Variants in FRY observed in about 807,000 individuals in gnomAD.
The protein encoded by FRY is protein furry homolog.
FRY carries 128 observed loss-of-function variants against 348.4 expected under a neutral mutation model. The observed-to-expected ratio is 0.37, with a 90% CI of 0.32 to 0.43. The LOEUF (loss-of-function observed/expected upper bound fraction) is 0.43. Among genes scored for constraint, FRY ranks in the 20% least tolerant of loss-of-function variants. The probability of loss-of-function intolerance (pLI) is 1.00; values close to 1 mark genes in which losing one functional copy is unlikely to be tolerated. For missense variants in FRY, 2,736 were observed against 3,695.2 expected, an observed-to-expected ratio of 0.74 and a Z score of 6.73; for synonymous variants, 1,370 against 1,374.7, an observed-to-expected ratio of 1.00 and a Z score of 0.08.
intron 1 of FRY, among the ~76,000 whole-genome samples, chr13:32,047,139 C>A (rs973010020): frequency 2.6e-5 from 4 of 152,160 alleles, no homozygotes; most frequent in African/African-American, 4.8e-5. Context: ...AGAGCCATAA[C>A]AATTAAAGGA....
In FRY at chr13:32,208,983, C is replaced by G. The variant is rs1185804092; in HGVS notation, c.4149C>G (p.Ser1383Arg). ...TCCTCCCGGGGTCGAGCCCCAGCAG[C>G]CCAGAGGACGAAGTCAAGGACCGGG... The part of the protein sequence containing the change: ...RLLLPGSSPS[S>R]PEDEVKDREG... Residue 1383 changes from serine (S) to arginine (R), a missense_variant, in exon 32 of 61, where the codon AGC (serine) becomes AGG (arginine). By Grantham distance (110) the Ser-to-Arg change is moderately radical. This residue lies in a region of FRY where 794 missense variants were observed against 977.0 expected (regional missense o/e 0.81). Transcript: ENST00000542859. The G allele has an allele frequency of 1.2e-6, 2 of 1,614,158 alleles. No individual in the cohort carries two copies. Among genetic ancestry groups the G allele is most frequent in the Non-Finnish European group, 1.7e-6 (2 of 1,180,030 alleles).
intron 14 of FRY, 81 bp downstream of exon 14, chr13:32,149,915 G>A: frequency 2.4e-6 from 2 of 824,382 alleles, no homozygotes; most frequent in Non-Finnish European, 4.3e-6. Flanking sequence ...TGGAGAATGG[G>A]ATGAGGGATG....
At chr13:32,086,851 G>A (rs916013175) in intron 2 of FRY, among the ~76,000 whole-genome samples, 13 of 152,150 alleles carry the variant, frequency 8.5e-5, no homozygotes, top group African/African-American at 1.2e-4. Context: ...TTTTTATGAC[G>A]AAAGATGAGT....
In FRY at chr13:32,224,377, A is replaced by G. The variant is rs775234651; in HGVS notation, c.4908A>G (p.Pro1636=). ...YLPETITPRG[P]LHRCNIAVIF... ...CGGAGACCATCACTCCCCGGGGGCC[A>G]CTCCACAGGTGAGCAGCATGTGTGG... Residue 1636 remains proline (P), a synonymous_variant, in exon 37 of 61, where the codon CCA becomes CCG. Coordinates refer to ENST00000542859, the MANE Select transcript of FRY (RefSeq NM_023037.3). The G allele has an allele frequency of 1.2e-6, 2 of 1,613,866 alleles. No homozygotes were observed. Among genetic ancestry groups the G allele is most frequent in the Non-Finnish European group, 8.5e-7 (1 of 1,179,898 alleles).
In FRY at chr13:32,139,666, A is replaced by G. The variant is rs951949555; in HGVS notation, c.1179+2694A>G. ...TTCTACTTAATTAACTTAAGCATCT[A>G]TTAGTAATATTCCATTATAAATTGA... On this transcript the variant is annotated intron_variant, in intron 11 of 60. Transcript: ENST00000542859. Among the ~76,000 whole-genome samples the G allele has an allele frequency of 3.3e-5, 5 of 152,352 alleles. No homozygotes were observed. The South Asian group carries it at 1.0e-3, about 32-fold the overall frequency.
intron 47 of FRY, among the ~76,000 whole-genome samples, chr13:32,245,384 C>T (rs557343773): frequency 2.0e-5 from 3 of 152,130 alleles, no homozygotes; most frequent in African/African-American, 4.8e-5. Context: ...GCAAGAGGAT[C>T]GCTTGAGGCC....
At chr13:32,147,447 T>C (rs1880526282) in intron 12 of FRY, 62 bp downstream of exon 12, 8 of 888,098 alleles carry the variant, frequency 9.0e-6, no homozygotes, top group Non-Finnish European at 1.5e-5. Flanking sequence ...GGTGTTTCTT[T>C]TATTACTACC....
At position 32,187,670 on chromosome 13, in the gene FRY, A is replaced by G. The variant is rs1330674020; in HGVS notation, c.3591+14A>G. The G allele has an allele frequency of 7.3e-7, 1 of 1,368,872 alleles. No individual in the cohort carries two copies. The highest frequency in any genetic ancestry group is 1.2e-5 in the South Asian group (1 of 86,148). 84.8% of individuals were successfully genotyped at this position (1,368,872 alleles called of 1,614,324 possible). A position where few individuals can be genotyped will look rare whatever the true frequency, so the allele number is the denominator to read the frequency against. ...CAAGATTTACGAGTAAGTATAGGCA[A>G]AAATACATTGTTTTTGAATGTCTTC... On this transcript the variant is annotated intron_variant, in intron 28 of 60. Coordinates refer to ENST00000542859, the MANE Select transcript of FRY (RefSeq NM_023037.3).
chr13:32,275,649 G>C (rs971630095), intron 56 of FRY, among the ~76,000 whole-genome samples: 3 of 152,210 alleles, frequency 2.0e-5, no homozygotes, highest in Non-Finnish European at 4.4e-5. Context: ...CATGATGCCA[G>C]GTTGCCCAGT....
chr13:32,134,731 A>G (rs371820936), intron 8 of FRY, among the ~76,000 whole-genome samples, 173 bp from the exon 9 acceptor site: 9 of 152,376 alleles, frequency 5.9e-5, no homozygotes, highest in African/African-American at 1.9e-4. Flanking sequence ...GGCCATTGCA[A>G]ACATACAAAT....
At chr13:32,175,491 G>A in intron 19 of FRY, 55 bp from the exon 20 acceptor site, 2 of 1,051,106 alleles carry the variant, frequency 1.9e-6, no homozygotes, top group Admixed American at 1.7e-5. Context: ...AGGCGGTGGG[G>A]TGGGTGGGGA....
At position 32,128,825 on chromosome 13, in the gene FRY, CT is replaced by C. The variant is rs574157857; in HGVS notation, c.717-2846del. Among the ~76,000 whole-genome samples, 10 of 152,312 alleles carry C rather than the reference CT, an allele frequency of 6.6e-5. No homozygotes were observed. In the South Asian group the frequency reaches 2.1e-3, roughly 32 times the overall value. On this transcript the variant is annotated intron_variant, in intron 7 of 60. Coordinates refer to ENST00000542859, the MANE Select transcript of FRY (RefSeq NM_023037.3). ...TCAAATTTTTTCACATCAGAAACAC[CT>C]GTAGAGCTTATTAAACACAAATTAT...
chr13:32,171,352 C>A, intron 18 of FRY, 82 bp downstream of exon 18: 1 of 1,299,062 alleles, frequency 7.7e-7, no homozygotes, highest in Non-Finnish European at 1.0e-6. Context: ...TACTCTGTTG[C>A]CCAGGCTGGA....
At chr13:32,102,663 C>T (rs1351977012) in intron 3 of FRY, among the ~76,000 whole-genome samples, 1 of 152,138 alleles carries the variant, frequency 6.6e-6, no homozygotes, top group Non-Finnish European at 1.5e-5. Flanking sequence ...GAACATTCAA[C>T]TCTAAACAGT....
At chr13:32,114,987 A>C (rs896977359) in intron 3 of FRY, among the ~76,000 whole-genome samples, 1 of 152,202 alleles carries the variant, frequency 6.6e-6, no homozygotes, top group Non-Finnish European at 1.5e-5. Context: ...TAAAAAGTTT[A>C]TGCTGACTAG....
rs200557381 is a variant in FRY, at chr13:32,284,636, A to G, written c.8470-4997A>G. 7.9e-5 allele frequency among the ~76,000 whole-genome samples: 12 copies of G among 152,380 alleles called. No individual in the cohort carries two copies. In the East Asian group the frequency reaches 1.9e-3, roughly 24 times the overall value. ...AAAACTACTTAACAAAGATAATGCC[A>G]TAGCCATCAATGTGCCAGGCCCAAG... On this transcript the variant is annotated intron_variant, in intron 58 of 60. Coordinates refer to ENST00000542859, the MANE Select transcript of FRY (RefSeq NM_023037.3).
intron 1 of FRY, among the ~76,000 whole-genome samples, chr13:32,052,991 G>T (rs1873422753): frequency 6.6e-6 from 1 of 151,908 alleles, no homozygotes; most frequent in African/African-American, 2.4e-5. Flanking sequence ...TGTGGGCGTG[G>T]AGTCCTATCT....
At chr13:32,269,585 G>A (rs1436978418) in intron 55 of FRY, among the ~76,000 whole-genome samples, 3 of 152,042 alleles carry the variant, frequency 2.0e-5, no homozygotes, top group South Asian at 2.1e-4. Context: ...CCAGCTACTC[G>A]GGAGGCTGAG....
intron 58 of FRY, among the ~76,000 whole-genome samples, chr13:32,282,428 G>A (rs866187805): frequency 2.6e-5 from 4 of 152,218 alleles, no homozygotes; most frequent in Admixed American, 6.5e-5. Flanking sequence ...TTTCAAAGAA[G>A]TGTGCACTTC....
Sources: allele counts gnomAD v4.1 joint callset (sites outside exome capture counted in the v4.1 genomes callset), GRCh38; gene constraint gnomAD v4.1.1; regional missense constraint gnomAD v4.1.1; transcripts MANE v1.5; gene names NCBI Gene and HGNC (gene_info 2026-07-23, HGNC 2026-07-21).